The following PUM1 variants were observed in gnomAD, a reference collection of about 807,000 sequenced individuals.
PUM1 encodes pumilio homolog 1.
PUM1 carries 13 observed loss-of-function variants against 131.8 expected under a neutral mutation model. That is an observed-to-expected ratio of 0.10 (90% CI 0.06 to 0.16). The LOEUF (loss-of-function observed/expected upper bound fraction) is 0.16. Ranked by LOEUF, PUM1 falls within the 10% of genes least tolerant of loss-of-function variation. PUM1 has a pLI of 1.00. For missense variants in PUM1, 961 were observed against 1,512.4 expected (o/e 0.64, Z 6.05); for synonymous variants, 509 against 556.5 (o/e 0.91, Z 1.20).
In PUM1 at chr1:30,941,991, C is replaced by A. The variant is rs183040257; in HGVS notation, c.3120+7G>T. On this transcript the variant is annotated splice_region_variant and intron_variant, in intron 19 of 21. Transcript: ENST00000426105. ...GTTCGCAGTTCCTCTACTGGCAACTCCACTACCTGTACAAGCTGCTCTGTG... is the reference window on the plus strand; with the variant it reads ...GTTCGCAGTTCCTCTACTGGCAACTACACTACCTGTACAAGCTGCTCTGTG... 981 of 1,563,226 alleles carry A rather than the reference C, an allele frequency of 6.3e-4. 2 individuals are homozygous for A. In the African/African-American group the frequency reaches 0.011, roughly 18 times the overall value.
intron 7 of PUM1, chr1:30,981,965 G>A (rs1229945233): frequency 6.6e-6 from 1 of 152,128 alleles, no homozygotes; most frequent in African/African-American, 2.4e-5. Context: ...TTCATCCTCT[G>A]AGCTGCCTCT....
rs763424981 is a variant in PUM1 at position 30,967,147 on chromosome 1, C to T, written c.1789+20G>A. 2 of 1,610,678 alleles carry T rather than the reference C, an allele frequency of 1.2e-6. No homozygotes were observed. Among genetic ancestry groups the T allele is most frequent in the Non-Finnish European group, 1.7e-6 (2 of 1,177,342 alleles). On this transcript the variant is annotated intron_variant, in intron 12 of 21. Coordinates refer to ENST00000426105, the MANE Select transcript of PUM1 (RefSeq NM_001020658.2). ...CCACTTTTAGATCTCTGGCAGGAGT[C>T]CACTCAGATGTGCGCTCACCTGCTT...
chr1:30,944,191 G>GCAAA (rs1639575291), intron 18 of PUM1, among the ~76,000 whole-genome samples: 1 of 152,072 alleles, frequency 6.6e-6, no homozygotes, highest in South Asian at 2.1e-4. Flanking sequence ...TGGTCATTGA[G>GCAAA]CAAACAGCAA....
At chr1:31,030,074 G>A (rs574103136) in intron 2 of PUM1, among the ~76,000 whole-genome samples, 14 of 151,834 alleles carry the variant, frequency 9.2e-5, no homozygotes, top group African/African-American at 2.9e-4. Context: ...AAAATTAGCC[G>A]GGCGTGGTGG....
At chr1:30,975,878 T>C (rs1218568702) in intron 9 of PUM1, among the ~76,000 whole-genome samples, 1 of 151,708 alleles carries the variant, frequency 6.6e-6, no homozygotes, top group African/African-American at 2.4e-5. Flanking sequence ...AGGTCAGGAG[T>C]TCGAGACCAG....
intron 3 of PUM1, among the ~76,000 whole-genome samples, chr1:31,015,465 C>G (rs966325354): frequency 1.3e-5 from 2 of 151,676 alleles, no homozygotes; most frequent in Admixed American, 6.6e-5. Flanking sequence ...CCTCAGCTTC[C>G]CGAGTAGCTG....
Position 30,967,946 on chromosome 1 carries a change from GA to G in PUM1, c.1645+407del, listed in dbSNP as rs1322340548. Among the ~76,000 whole-genome samples the G allele has an allele frequency of 2.0e-5, 3 of 152,150 alleles. No homozygotes were observed. In the East Asian group the frequency reaches 5.8e-4, roughly 29 times the overall value. On this transcript the variant is annotated intron_variant, in intron 11 of 21. Transcript: ENST00000426105. The stretch of plus-strand genomic sequence containing the variant: ...AAGGACCCCTACTATTGGTTTAAGA[GA>G]AACCTTAAAAACGTAAGGGATGACC...
intron 10 of PUM1, chr1:30,973,054 T>C (rs905398890): frequency 4.8e-5 from 10 of 209,312 alleles, no homozygotes; most frequent in Non-Finnish European, 8.9e-5. Flanking sequence ...CACTCCAGCC[T>C]GGGCAACAAA....
At position 30,952,677 on chromosome 1, in the gene PUM1, G is replaced by GGGGGGGA. The variant is rs1553145202; in HGVS notation, c.2592-315_2592-314insTCCCCCC. On this transcript the variant is annotated intron_variant, in intron 15 of 21. Coordinates refer to ENST00000426105, the MANE Select transcript of PUM1 (RefSeq NM_001020658.2). ...AAGGTGGGAGGGAAGATGAAAGCGG[G>GGGGGGGA]GGGGGCGGGGGGGGGGCGGGAGGGG... 1.2e-4 allele frequency among the ~76,000 whole-genome samples: 3 copies of GGGGGGGA among 25,566 alleles called. No homozygotes were observed. The African/African-American group carries it at 1.3e-3, about 11-fold the overall frequency. The allele number at this position is 25,566 out of a possible 152,430, so 16.8% of individuals were successfully genotyped here.
At chr1:30,933,485 C>T in intron 21 of PUM1, 143 bp from the exon 22 acceptor site, 1 of 812,890 alleles carries the variant, frequency 1.2e-6, no homozygotes, top group South Asian at 1.6e-5. Context: ...CACACACACA[C>T]CCCTACAGCA....
At chr1:31,063,069 A>G (rs1644403979) in intron 1 of PUM1, among the ~76,000 whole-genome samples, 1 of 152,088 alleles carries the variant, frequency 6.6e-6, no homozygotes, top group African/African-American at 2.4e-5. Context: ...AAAAGTGCAA[A>G]CCAGCCTAAT....
At chr1:30,981,272 C>A in intron 8 of PUM1, 40 bp downstream of exon 8, 2 of 1,321,792 alleles carry the variant, frequency 1.5e-6, no homozygotes, top group Non-Finnish European at 2.1e-6. Flanking sequence ...AAAATGGCGG[C>A]CACACCTATC....
chr1:30,947,281 CAG>C (rs1639716670), intron 17 of PUM1, among the ~76,000 whole-genome samples: 1 of 152,192 alleles, frequency 6.6e-6, no homozygotes, highest in Non-Finnish European at 1.5e-5. Context: ...GAAACTGAGA[CAG>C]AGGGGCTTAA....
chr1:30,941,055 C>A (rs1325987329), intron 20 of PUM1, 96 bp downstream of exon 20: 1 of 1,333,436 alleles, frequency 7.5e-7, no homozygotes. Flanking sequence ...TTGAAAACAA[C>A]AACAACAACA....
Position 30,964,869 on chromosome 1 carries a change from G to T in PUM1, c.2128C>A (p.Leu710Met). 1 of 1,614,146 alleles carries T rather than the reference G, an allele frequency of 6.2e-7. No individual in the cohort carries two copies. The highest frequency in any genetic ancestry group is 2.2e-5 in the East Asian group (1 of 44,876). Reference sequence around the variant, plus strand: ...TTATAAAGGTCACTGCTGCCAGTCAGGGAGTCACGGCGGGAGCCACTGCCA... The same window carrying T: ...TTATAAAGGTCACTGCTGCCAGTCATGGAGTCACGGCGGGAGCCACTGCCA... ...NTGSGSRRDS[L>M]TGSSDLYKRT... is the part of the protein sequence containing the mutation. The change falls in exon 14 of 22, where the codon CTG becomes ATG. Residue 710 changes from leucine to methionine, a missense_variant. By Grantham distance (15) the Leu-to-Met change is conservative (BLOSUM62 2). Transcript: ENST00000426105.
intron 16 of PUM1, among the ~76,000 whole-genome samples, chr1:30,951,549 G>T (rs904092285): frequency 6.6e-5 from 10 of 151,738 alleles, no homozygotes. Flanking sequence ...TCATCTCGAA[G>T]TTTTGTGCCA....
intron 2 of PUM1, among the ~76,000 whole-genome samples, chr1:31,029,316 G>C (rs572789173): frequency 6.6e-6 from 1 of 152,142 alleles, no homozygotes; most frequent in Non-Finnish European, 1.5e-5. Flanking sequence ...TTTCTCTTTG[G>C]TAAACCTCAG....
chr1:31,049,852 CAG>C (rs1399895855), intron 2 of PUM1, among the ~76,000 whole-genome samples: 12 of 94,298 alleles, frequency 1.3e-4, no homozygotes, highest in East Asian at 7.2e-4. Context: ...TTTTTTGAGA[CAG>C]AGTCTTGCTC....
intron 14 of PUM1, among the ~76,000 whole-genome samples, chr1:30,954,544 C>T (rs998820128): frequency 6.6e-6 from 1 of 152,068 alleles, no homozygotes; most frequent in Non-Finnish European, 1.5e-5. Context: ...ACATTCCAGG[C>T]CATGGATGAG....
Sources: allele counts gnomAD v4.1 joint callset (sites outside exome capture counted in the v4.1 genomes callset), GRCh38; gene constraint gnomAD v4.1.1; transcripts MANE v1.5; gene names NCBI Gene and HGNC (gene_info 2026-07-23, HGNC 2026-07-21).